Variants in SCD5 observed in about 807,000 individuals in gnomAD.
SCD5 encodes the protein stearoyl-CoA desaturase 5.
In SCD5, 20 loss-of-function variants were observed where a neutral mutation model predicts 30.4. The observed-to-expected ratio is 0.66, with a 90% CI of 0.46 to 0.96. SCD5 has a LOEUF of 0.96. Ranked by LOEUF, SCD5 falls within the 40% of genes least tolerant of loss-of-function variation. SCD5 has a pLI of 0.00. For missense variants in SCD5, 381 were observed against 443.3 expected (o/e 0.86, Z 1.26); for synonymous variants, 173 against 176.4 (o/e 0.98, Z 0.16).
intron 1 of SCD5, among the ~76,000 whole-genome samples, chr4:82,718,270 G>GA (rs1720275279): frequency 6.6e-6 from 1 of 151,782 alleles, no homozygotes; most frequent in Non-Finnish European, 1.5e-5. Context: ...ATTCTATGGA[G>GA]AGAGGCCCTA....
intron 1 of SCD5, among the ~76,000 whole-genome samples, chr4:82,730,659 C>T (rs1042376254): frequency 1.4e-5 from 2 of 145,456 alleles, no homozygotes; most frequent in African/African-American, 2.6e-5. Context: ...GATCTTGGCT[C>T]ACTGCATGCT....
chr4:82,742,252 G>T (rs1220822970), intron 1 of SCD5, among the ~76,000 whole-genome samples: 1 of 152,144 alleles, frequency 6.6e-6, no homozygotes, highest in Non-Finnish European at 1.5e-5. Flanking sequence ...GGCCATGACA[G>T]CAGGCTAGAG....
chr4:82,673,787 T>C (rs957749728), intron 3 of SCD5, among the ~76,000 whole-genome samples: 4 of 152,158 alleles, frequency 2.6e-5, no homozygotes, highest in Non-Finnish European at 5.9e-5. Context: ...GACAGTGTGG[T>C]ACTGGCACAA....
intron 1 of SCD5, among the ~76,000 whole-genome samples, chr4:82,774,254 A>AG (rs35179357): frequency 0.092 from 13,954 of 152,088 alleles, 665 homozygotes; most frequent in East Asian, 0.11. Flanking sequence ...TTTCAACAAT[A>AG]GGGGGTTAAG....
intron 4 of SCD5, among the ~76,000 whole-genome samples, chr4:82,631,829 T>C (rs186917146): frequency 6.6e-6 from 1 of 152,334 alleles, no homozygotes; most frequent in East Asian, 1.9e-4. Context: ...CGTTTTGATG[T>C]ACAACTGTTT....
At chr4:82,742,339 G>A (rs2148839362) in intron 1 of SCD5, among the ~76,000 whole-genome samples, 1 of 152,308 alleles carries the variant, frequency 6.6e-6, no homozygotes, top group East Asian at 1.9e-4. Context: ...TGGCCACTCA[G>A]AAGAGAGAGC....
intron 1 of SCD5, among the ~76,000 whole-genome samples, chr4:82,722,575 C>T (rs922548274): frequency 6.6e-6 from 1 of 151,926 alleles, no homozygotes; most frequent in Non-Finnish European, 1.5e-5. Flanking sequence ...ACCAGCCTGG[C>T]CAACGTGGTG....
intron 3 of SCD5, among the ~76,000 whole-genome samples, chr4:82,678,928 G>T (rs113677959): frequency 2.0e-5 from 3 of 151,976 alleles, no homozygotes; most frequent in African/African-American, 4.8e-5. Flanking sequence ...TTGGCTGGGC[G>T]CAGTGGCTCA....
At chr4:82,680,334 A>C (rs1465465939) in intron 3 of SCD5, among the ~76,000 whole-genome samples, 8 of 152,198 alleles carry the variant, frequency 5.3e-5, no homozygotes, top group Admixed American at 5.2e-4. Flanking sequence ...TTTGGAGTCA[A>C]GTAGAGTCAA....
chr4:82,727,278 G>A (rs561156130), intron 1 of SCD5, among the ~76,000 whole-genome samples: 1 of 152,308 alleles, frequency 6.6e-6, no homozygotes, highest in South Asian at 2.1e-4. Flanking sequence ...TCTGGAAAAG[G>A]TCACTAAGGG....
intron 1 of SCD5, among the ~76,000 whole-genome samples, chr4:82,751,520 T>C (rs1721102078): frequency 6.6e-6 from 1 of 152,266 alleles, no homozygotes; most frequent in East Asian, 1.9e-4. Context: ...TGTACATCAG[T>C]CAGGGAGGTA....
chr4:82,742,297 T>C (rs372954493), intron 1 of SCD5, among the ~76,000 whole-genome samples: 3 of 152,072 alleles, frequency 2.0e-5, no homozygotes, highest in African/African-American at 7.2e-5. Context: ...TTCTGGGTTT[T>C]CCTGAGTAGA....
intron 3 of SCD5, among the ~76,000 whole-genome samples, chr4:82,652,711 A>T (rs1289104149): frequency 6.6e-6 from 1 of 152,236 alleles, no homozygotes; most frequent in Non-Finnish European, 1.5e-5. Flanking sequence ...TTATTCTAAG[A>T]CTAGATGTAG....
At chr4:82,709,299 T>C (rs1720031889) in intron 1 of SCD5, among the ~76,000 whole-genome samples, 1 of 152,210 alleles carries the variant, frequency 6.6e-6, no homozygotes, top group African/African-American at 2.4e-5. Flanking sequence ...CGGCTTGTCA[T>C]AAACATGAGT....
chr4:82,753,424 C>T, intron 1 of SCD5: 1 of 529,148 alleles, frequency 1.9e-6, no homozygotes, highest in South Asian at 1.4e-5. Flanking sequence ...AGTGGCAGGG[C>T]TGAATTTAAA....
At chr4:82,758,622 T>C (rs1419299573) in intron 1 of SCD5, among the ~76,000 whole-genome samples, 1 of 152,114 alleles carries the variant, frequency 6.6e-6, no homozygotes, top group Non-Finnish European at 1.5e-5. Flanking sequence ...CATTTCCTGC[T>C]CAGAGACCCC....
chr4:82,773,972 C>T (rs1721684117), intron 1 of SCD5, among the ~76,000 whole-genome samples: 1 of 151,930 alleles, frequency 6.6e-6, no homozygotes, highest in African/African-American at 2.4e-5. Context: ...GCCTGTAATC[C>T]CAGCTACTCG....
In SCD5 at chr4:82,726,843, G is replaced by A. The variant is rs1040073021; in HGVS notation, c.233-21430C>T. On this transcript the variant is annotated intron_variant, in intron 1 of 4. Transcript: ENST00000319540. Reference sequence around the variant, plus strand: ...TCCCATCTCATACACAGCCCTCTTCGTCCTGTTCCTTTCCCCTGGAGCTGT... The same window carrying A: ...TCCCATCTCATACACAGCCCTCTTCATCCTGTTCCTTTCCCCTGGAGCTGT... Among the ~76,000 whole-genome samples the A allele has an allele frequency of 4.6e-5, 7 of 152,022 alleles. No homozygotes were observed. In the East Asian group the frequency reaches 5.8e-4, roughly 13 times the overall value.
Position 82,631,417 on chromosome 4 carries a change from C to T in SCD5, c.903G>A (p.Met301Ile). The T allele has an allele frequency of 6.2e-7, 1 of 1,614,156 alleles. No individual in the cohort carries two copies. The highest frequency in any genetic ancestry group is 8.5e-7 in the Non-Finnish European group (1 of 1,180,032). ...GGTCAGTGGCCAGCCCCAGCCAGCA[C>T]ATGAAATCAATGAACCAGGTGGTTG... ...FNPTTWFIDF[M>I]CWLGLATDRK... The change falls in exon 5 of 5, where the codon ATG becomes ATA. Residue 301 changes from methionine to isoleucine, a missense_variant. Coordinates refer to ENST00000319540, the MANE Select transcript of SCD5 (RefSeq NM_001037582.3).
Sources: allele counts gnomAD v4.1 joint callset (sites outside exome capture counted in the v4.1 genomes callset), GRCh38; gene constraint gnomAD v4.1.1; transcripts MANE v1.5; gene names NCBI Gene and HGNC (gene_info 2026-07-23, HGNC 2026-07-21).